Variants in UVRAG observed in about 807,000 individuals in gnomAD.
UVRAG encodes the protein UV radiation resistance-associated gene protein.
A neutral mutation model predicts 78.0 loss-of-function variants in UVRAG; 19 were observed. The observed-to-expected ratio is 0.24, with a 90% confidence interval of 0.17 to 0.36. UVRAG has a LOEUF of 0.36. Among genes scored for constraint, UVRAG ranks in the 10% least tolerant of loss-of-function variants. The pLI is 1.00. For synonymous variants in UVRAG, 323 were observed against 324.6 expected, an observed-to-expected ratio of 1.00 and a Z score of 0.05; for missense variants, 740 against 853.8, an observed-to-expected ratio of 0.87 and a Z score of 1.66.
chr11:75,988,457 GC>G (rs1410575637), intron 8 of UVRAG, among the ~76,000 whole-genome samples: 1 of 152,178 alleles, frequency 6.6e-6, no homozygotes, highest in Non-Finnish European at 1.5e-5. Context: ...TCTTTTCATT[GC>G]TGAGTAGTAT....
chr11:75,849,847 G>A (rs73491733), intron 1 of UVRAG, among the ~76,000 whole-genome samples: 11,593 of 152,210 alleles, frequency 0.076, 1,458 homozygotes, highest in African/African-American at 0.26. Flanking sequence ...TTTGAACAAA[G>A]AATTGGACAA....
intron 13 of UVRAG, among the ~76,000 whole-genome samples, chr11:76,075,251 A>C (rs1365204267): frequency 6.7e-6 from 1 of 149,496 alleles, no homozygotes; most frequent in African/African-American, 2.6e-5. Flanking sequence ...CTTTATAAAA[A>C]GTACTAAATT....
intron 13 of UVRAG, among the ~76,000 whole-genome samples, chr11:76,100,357 A>AC (rs1951857412): frequency 1.3e-5 from 2 of 152,098 alleles, no homozygotes; most frequent in South Asian, 4.1e-4. Context: ...TTAAGGACTA[A>AC]CCCCATTGTG....
rs547471410 is a variant in UVRAG at position 75,926,398 on chromosome 11, T to C, written c.593+14359T>C. 2.0e-5 allele frequency among the ~76,000 whole-genome samples: 3 copies of C among 152,324 alleles called. No individual in the cohort carries two copies. The East Asian group carries it at 5.8e-4, about 29-fold the overall frequency. On this transcript the variant is annotated intron_variant, in intron 6 of 14. Coordinates refer to ENST00000356136, the MANE Select transcript of UVRAG (RefSeq NM_003369.4). Reference sequence around the variant, plus strand: ...CTAATGTCATAGAGGAAAATGACTTTTCCACAGTAGCACTGATTTTTCTGT... The same window carrying C: ...CTAATGTCATAGAGGAAAATGACTTCTCCACAGTAGCACTGATTTTTCTGT...
chr11:75,928,119 A>T lies in UVRAG; in HGVS notation c.593+16080A>T, dbSNP rs553379332. On this transcript the variant is annotated intron_variant, in intron 6 of 14. Transcript: ENST00000356136. ...CCCCATCTCTAAAAAGAAAAAAAAA[A>T]TGCCTTTGGTGTGGAGAATAGACTG... Among the ~76,000 whole-genome samples the T allele has an allele frequency of 5.9e-5, 9 of 152,212 alleles. No individual in the cohort carries two copies. The East Asian group carries it at 1.4e-3, about 23-fold the overall frequency.
chr11:75,854,591 A>AT (rs1946243392), intron 2 of UVRAG, among the ~76,000 whole-genome samples: 1 of 151,730 alleles, frequency 6.6e-6, no homozygotes. Context: ...TAATTTTTGT[A>AT]TTTTTTGTAG....
chr11:75,975,432 A>G (rs1949217806), intron 7 of UVRAG, among the ~76,000 whole-genome samples: 1 of 152,170 alleles, frequency 6.6e-6, no homozygotes, highest in Admixed American at 6.5e-5. Flanking sequence ...TGGGGATGGC[A>G]CTGAATCTAT....
chr11:76,096,353 CG>C (rs1327093999), intron 13 of UVRAG, among the ~76,000 whole-genome samples: 1 of 151,950 alleles, frequency 6.6e-6, no homozygotes, highest in Non-Finnish European at 1.5e-5. Flanking sequence ...AAGTTAAAAA[CG>C]TAAGAGTACG....
chr11:75,857,938 G>A (rs1946330801), intron 2 of UVRAG, among the ~76,000 whole-genome samples: 1 of 151,306 alleles, frequency 6.6e-6, no homozygotes, highest in Non-Finnish European at 1.5e-5. Flanking sequence ...TTTCTCTGTG[G>A]TACTTAAGAT....
At chr11:75,884,240 T>TCTTTCTCTCTCTC (rs1555080662) in intron 4 of UVRAG, among the ~76,000 whole-genome samples, 92 of 132,552 alleles carry the variant, frequency 6.9e-4, no homozygotes, top group African/African-American at 2.8e-3. Context: ...CTCTCTCTCT[T>TCTTTCTCTCTCTC]TCTCTCTCTC....
chr11:76,078,220 T>C (rs192006449), intron 13 of UVRAG, among the ~76,000 whole-genome samples: 1 of 152,214 alleles, frequency 6.6e-6, no homozygotes, highest in East Asian at 1.9e-4. Flanking sequence ...AAAAAAATGG[T>C]TTATATTGCC....
At chr11:75,826,674 G>A (rs1945518884) in intron 1 of UVRAG, among the ~76,000 whole-genome samples, 1 of 150,584 alleles carries the variant, frequency 6.6e-6, no homozygotes, top group Non-Finnish European at 1.5e-5. Flanking sequence ...TTTTGTCCCT[G>A]GGTACTTACC....
At chr11:76,023,360 T>C (rs1707105130) in intron 12 of UVRAG, among the ~76,000 whole-genome samples, 1 of 152,136 alleles carries the variant, frequency 6.6e-6, no homozygotes, top group Non-Finnish European at 1.5e-5. Context: ...TGGACACTTT[T>C]GAATGACCTA....
rs12289281 is a variant in UVRAG, at chr11:75,978,155, C to T, written c.700-5232C>T. Among the ~76,000 whole-genome samples, 38 of 152,010 alleles carry T rather than the reference C, an allele frequency of 2.5e-4. 1 individual carries two copies. Among genetic ancestry groups the T allele is most frequent in the African/African-American group, 7.3e-4 (30 of 41,364 alleles). ...CTTAGTTTGGCTGGATATGAAATTCCGGGTCGAAAATTCTTTTCTTTCAGA... is the reference window on the plus strand; with the variant it reads ...CTTAGTTTGGCTGGATATGAAATTCTGGGTCGAAAATTCTTTTCTTTCAGA... On this transcript the variant is annotated intron_variant, in intron 7 of 14. Coordinates refer to ENST00000356136, the MANE Select transcript of UVRAG (RefSeq NM_003369.4).
At chr11:76,059,457 C>T (rs905887678) in intron 12 of UVRAG, among the ~76,000 whole-genome samples, 3 of 152,178 alleles carry the variant, frequency 2.0e-5, no homozygotes, top group South Asian at 4.1e-4. Context: ...GAGCTTGGAC[C>T]AATGATTCTC....
intron 13 of UVRAG, among the ~76,000 whole-genome samples, chr11:76,078,811 C>A (rs1395743374): frequency 6.6e-6 from 1 of 150,706 alleles, no homozygotes; most frequent in African/African-American, 2.4e-5. Flanking sequence ...CACCTGTAGT[C>A]CCAGCTACTC....
At chr11:76,024,347 G>A (rs1950294012) in intron 12 of UVRAG, among the ~76,000 whole-genome samples, 1 of 152,146 alleles carries the variant, frequency 6.6e-6, no homozygotes, top group Non-Finnish European at 1.5e-5. Flanking sequence ...GAGTGATCTG[G>A]TAAGGCCAGC....
At chr11:76,140,566 C>A in intron 14 of UVRAG, 145 bp from the exon 15 acceptor site, 1 of 821,668 alleles carries the variant, frequency 1.2e-6, no homozygotes, top group Non-Finnish European at 1.8e-6. Context: ...TGCATTGAGA[C>A]ACTGCAATAA....
chr11:76,055,955 C>T (rs1190425133), intron 12 of UVRAG, among the ~76,000 whole-genome samples: 2 of 152,158 alleles, frequency 1.3e-5, no homozygotes, highest in East Asian at 1.9e-4. Context: ...GTGATCTGCC[C>T]ACCTCGGCCT....
Sources: allele counts gnomAD v4.1 joint callset (sites outside exome capture counted in the v4.1 genomes callset), GRCh38; gene constraint gnomAD v4.1.1; transcripts MANE v1.5; gene names NCBI Gene and HGNC (gene_info 2026-07-23, HGNC 2026-07-21).